UBE2D2: variants seen among roughly 807,000 people sequenced by gnomAD.
UBE2D2 encodes the protein ubiquitin-conjugating enzyme E2 D2.
UBE2D2 carries 2 observed loss-of-function variants against 24.2 expected under a neutral mutation model. The observed-to-expected ratio is 0.08, with a 90% CI of 0.03 to 0.26. The LOEUF is 0.26. UBE2D2 is among the 10% of genes least tolerant of loss of function. The pLI, the probability that UBE2D2 is intolerant of heterozygous loss-of-function variation, is 1.00. For synonymous variants in UBE2D2, 58 were observed against 56.5 expected (o/e 1.03, Z -0.12); for missense variants, 44 against 177.6 (o/e 0.25, Z 4.28).
intron 1 of UBE2D2, among the ~76,000 whole-genome samples, chr5:139,567,529 GTTTTTTTTT>G (rs33998713): frequency 1.0e-5 from 1 of 100,126 alleles, no homozygotes; most frequent in African/African-American, 4.3e-5. Context: ...AATTTGCTAA[GTTTTTTTTT>G]TTTTTTTTTT....
chr5:139,592,938 TAA>T, intron 1 of UBE2D2, among the ~76,000 whole-genome samples: 1 of 141,198 alleles, frequency 7.1e-6, no homozygotes, highest in Middle Eastern at 3.6e-3. Flanking sequence ...TCAGTAATCT[TAA>T]AAGAGGTTCA....
intron 1 of UBE2D2, among the ~76,000 whole-genome samples, chr5:139,535,654 G>A (rs560670920): frequency 6.6e-6 from 1 of 152,168 alleles, no homozygotes; most frequent in African/African-American, 2.4e-5. Flanking sequence ...TTCTCTAATA[G>A]AGAATTAGTT....
At chr5:139,590,687 A>AGG (rs1168762022) in intron 1 of UBE2D2, among the ~76,000 whole-genome samples, 1 of 147,972 alleles carries the variant, frequency 6.8e-6, no homozygotes, top group Non-Finnish European at 1.5e-5. Context: ...CAGTTCTGGG[A>AGG]GGGTACACAG....
At chr5:139,590,481 T>G (rs1753820842) in intron 1 of UBE2D2, among the ~76,000 whole-genome samples, 2 of 150,412 alleles carry the variant, frequency 1.3e-5, no homozygotes. Context: ...ACAAACTAGA[T>G]CTACCTTTGT....
At chr5:139,624,804 G>C (rs1050218057) in intron 6 of UBE2D2, among the ~76,000 whole-genome samples, 3 of 152,228 alleles carry the variant, frequency 2.0e-5, no homozygotes, top group African/African-American at 7.2e-5. Context: ...TAGTGGATTA[G>C]AGAGGCATAG....
At chr5:139,575,960 C>T (rs371294000) in intron 1 of UBE2D2, among the ~76,000 whole-genome samples, 18 of 152,130 alleles carry the variant, frequency 1.2e-4, no homozygotes, top group African/African-American at 2.7e-4. Flanking sequence ...GAGTTCAAGG[C>T]GGCAGTGAGC....
chr5:139,559,125 C>T (rs1343637763), upstream of UBE2D2, among the ~76,000 whole-genome samples: 1 of 151,848 alleles, frequency 6.6e-6, no homozygotes, highest in African/African-American at 2.4e-5. Context: ...CTGAGAATAA[C>T]TTTAAAAAAA....
chr5:139,615,515 G>T (rs1754404784), intron 5 of UBE2D2, among the ~76,000 whole-genome samples: 2 of 151,996 alleles, frequency 1.3e-5, no homozygotes, highest in Admixed American at 1.3e-4. Flanking sequence ...ACACTGGTAT[G>T]AATGTTTTTT....
chr5:139,594,790 A>G (rs1240759681), intron 1 of UBE2D2, among the ~76,000 whole-genome samples: 1 of 152,094 alleles, frequency 6.6e-6, no homozygotes, highest in Non-Finnish European at 1.5e-5. Context: ...TTCTAAACAT[A>G]ATTATATATA....
In UBE2D2 at chr5:139,600,440, G is replaced by A; in HGVS notation, c.88+5G>A. ...CAGGTCCTGTTGGAGATGATAGTAA[G>A]TATTTAAAAGGAATAATGGAGTAAT... On this transcript the variant is annotated splice_donor_5th_base_variant and intron_variant, in intron 2 of 6. Coordinates refer to ENST00000398733, the MANE Select transcript of UBE2D2 (RefSeq NM_003339.3). 1 of 1,613,910 alleles carries A rather than the reference G, an allele frequency of 6.2e-7. No homozygotes were observed. The highest frequency in any genetic ancestry group is 8.5e-7 in the Non-Finnish European group (1 of 1,179,862).
intron 5 of UBE2D2, among the ~76,000 whole-genome samples, chr5:139,617,714 C>T (rs775494417): frequency 6.6e-6 from 1 of 152,122 alleles, no homozygotes; most frequent in Non-Finnish European, 1.5e-5. Context: ...GTGTTCAGAT[C>T]TCAGATCCAC....
At chr5:139,614,061 CA>C (rs34610126) in intron 2 of UBE2D2, among the ~76,000 whole-genome samples, 35,662 of 89,326 alleles carry the variant, frequency 0.4, 4,602 homozygotes, top group African/African-American at 0.56. Flanking sequence ...GACTCTGTCT[CA>C]AAAAAAAAAA....
At chr5:139,604,532 G>A (rs1754155135) in intron 2 of UBE2D2, among the ~76,000 whole-genome samples, 1 of 152,146 alleles carries the variant, frequency 6.6e-6, no homozygotes, top group Admixed American at 6.6e-5. Flanking sequence ...AAGATGGCTA[G>A]TAAGCACACG....
Position 139,627,105 on chromosome 5 carries a change from A to C in UBE2D2, c.*304A>C, listed in dbSNP as rs1199150533. 3 of 304,856 alleles carry C rather than the reference A, an allele frequency of 9.8e-6. No individual in the cohort carries two copies. The highest frequency in any genetic ancestry group is 1.8e-5 in the Non-Finnish European group (3 of 162,332). 18.9% of individuals were successfully genotyped at this position (304,856 alleles called of 1,614,324 possible). On this transcript the variant is annotated 3_prime_UTR_variant, in exon 7 of 7. Coordinates refer to ENST00000398733, the MANE Select transcript of UBE2D2 (RefSeq NM_003339.3). ...TATTGACTTAAATTTGGATAACAGC[A>C]AGGTGTGAGGGGGGTGGTGGGTATG...
At chr5:139,585,551 C>A (rs1223517423) in intron 1 of UBE2D2, among the ~76,000 whole-genome samples, 2 of 151,888 alleles carry the variant, frequency 1.3e-5, no homozygotes, top group African/African-American at 4.8e-5. Context: ...TTTCCTGCCG[C>A]TATTGGTGAT....
At chr5:139,550,835 T>G (rs112192487) in intron 1 of UBE2D2, among the ~76,000 whole-genome samples, 1 of 152,082 alleles carries the variant, frequency 6.6e-6, no homozygotes, top group African/African-American at 2.4e-5. Context: ...TCCAAACACG[T>G]CTGAACATCA....
chr5:139,572,510 C>G (rs145788466), intron 1 of UBE2D2, among the ~76,000 whole-genome samples: 1 of 151,998 alleles, frequency 6.6e-6, no homozygotes, highest in African/African-American at 2.4e-5. Context: ...ACAGGAGGAT[C>G]GCTTGAGCCC....
At chr5:139,612,034 G>GC (rs1470528985) in intron 2 of UBE2D2, 1 of 155,324 alleles carries the variant, frequency 6.4e-6, no homozygotes, top group Non-Finnish European at 1.4e-5. Flanking sequence ...TGGCATGCTA[G>GC]CTGGATGTCT....
At chr5:139,554,044 T>G (rs1752951569) in intron 1 of UBE2D2, among the ~76,000 whole-genome samples, 1 of 151,950 alleles carries the variant, frequency 6.6e-6, no homozygotes, top group South Asian at 2.1e-4. Context: ...CCTCCCAGAG[T>G]GCTGGGATTA....
Sources: allele counts gnomAD v4.1 joint callset (sites outside exome capture counted in the v4.1 genomes callset), GRCh38; gene constraint gnomAD v4.1.1; transcripts MANE v1.5; gene names NCBI Gene and HGNC (gene_info 2026-07-23, HGNC 2026-07-21).